Variants in XKR6 observed in about 807,000 individuals in gnomAD.
The protein encoded by XKR6 is XK related 6.
In XKR6, 22 loss-of-function variants were observed where a neutral mutation model predicts 56.7. The observed-to-expected ratio is 0.39, with a 90% CI of 0.28 to 0.55. The LOEUF (loss-of-function observed/expected upper bound fraction) is 0.55, where lower values mean the gene tolerates loss of function less well. XKR6 is among the 20% of genes least tolerant of loss of function. The pLI is 0.66. For synonymous variants in XKR6, 524 were observed against 387.8 expected (o/e 1.35, Z -4.13); for missense variants, 852 against 889.0 (o/e 0.96, Z 0.53).
At chr8:10,989,306 C>G (rs1797934892) in intron 1 of XKR6, among the ~76,000 whole-genome samples, 1 of 152,176 alleles carries the variant, frequency 6.6e-6, no homozygotes, top group African/African-American at 2.4e-5. Flanking sequence ...CTTATAATTC[C>G]TTTCGTTGAA....
intron 1 of XKR6, among the ~76,000 whole-genome samples, chr8:10,929,323 T>C (rs1275088404): frequency 6.6e-6 from 1 of 152,238 alleles, no homozygotes; most frequent in Non-Finnish European, 1.5e-5. Flanking sequence ...TAATTATTCA[T>C]TTTACAGGTG....
chr8:11,201,551 G>A lies in XKR6; in HGVS notation c.-212C>T, dbSNP rs1458626482. Reference sequence around the variant, plus strand: ...TTCCGGGCGAGCCCCCCAATCGCACGGCGCCCGCAGCTCCCCAGCCCTACC... The same window carrying A: ...TTCCGGGCGAGCCCCCCAATCGCACAGCGCCCGCAGCTCCCCAGCCCTACC... On this transcript the variant is annotated 5_prime_UTR_variant, in exon 1 of 3. Transcript: ENST00000416569. Among the ~76,000 whole-genome samples the A allele has an allele frequency of 6.6e-6, 1 of 152,064 alleles. No homozygotes were observed. The highest frequency in any genetic ancestry group is 1.5e-5 in the Non-Finnish European group (1 of 67,988).
intron 2 of XKR6, among the ~76,000 whole-genome samples, chr8:10,901,218 G>A (rs1800028379): frequency 6.6e-6 from 1 of 151,872 alleles, no homozygotes; most frequent in African/African-American, 2.4e-5. Flanking sequence ...ACCATGCCTG[G>A]GTAATTTTTG....
chr8:11,152,304 A>G (rs759772450), intron 1 of XKR6, among the ~76,000 whole-genome samples: 3 of 152,230 alleles, frequency 2.0e-5, no homozygotes, highest in Non-Finnish European at 2.9e-5. Flanking sequence ...TGAAACATTC[A>G]GAAGACCCTC....
chr8:11,010,517 C>A (rs1471059285), intron 1 of XKR6, among the ~76,000 whole-genome samples: 1 of 152,130 alleles, frequency 6.6e-6, no homozygotes, highest in African/African-American at 2.4e-5. Flanking sequence ...GCAACACAGG[C>A]ACAATGCCCT....
In XKR6 at chr8:10,967,706, C is replaced by T. The variant is rs145491776; in HGVS notation, c.765-42876G>A. On this transcript the variant is annotated intron_variant, in intron 1 of 2. Transcript: ENST00000416569. ...GTCTGCAGCAACTTGCCGGTGCCAG[C>T]CTCTGCATTCAGCAGCAAGAAAGCA... is the stretch of plus-strand genomic sequence containing the variant. 7.5e-4 allele frequency among the ~76,000 whole-genome samples: 115 copies of T among 152,328 alleles called. 1 individual carries two copies. Among genetic ancestry groups the T allele is most frequent in the African/African-American group, 2.5e-3 (104 of 41,578 alleles).
intron 1 of XKR6, among the ~76,000 whole-genome samples, chr8:11,072,360 C>T (rs1800154561): frequency 6.6e-6 from 1 of 151,302 alleles, no homozygotes; most frequent in African/African-American, 2.4e-5. Context: ...GCTGGAGAGA[C>T]AGCAGGGCTC....
intron 1 of XKR6, among the ~76,000 whole-genome samples, chr8:11,111,170 A>G (rs1247730231): frequency 1.3e-5 from 2 of 151,840 alleles, no homozygotes; most frequent in African/African-American, 2.4e-5. Context: ...CCATTTTTTA[A>G]AGGATAAATA....
At chr8:11,058,653 C>G (rs1005667761) in intron 1 of XKR6, among the ~76,000 whole-genome samples, 1 of 152,112 alleles carries the variant, frequency 6.6e-6, no homozygotes, top group Admixed American at 6.5e-5. Context: ...CAGATGGACA[C>G]CGGGAGGGGA....
intron 1 of XKR6, among the ~76,000 whole-genome samples, chr8:11,146,623 C>CAA (rs544514802): frequency 1.8e-4 from 11 of 61,236 alleles, no homozygotes; most frequent in African/African-American, 2.4e-4. Context: ...GAGACCCTGT[C>CAA]AAAAAAAAAA....
At chr8:11,078,342 G>C in intron 1 of XKR6, among the ~76,000 whole-genome samples, 1 of 152,150 alleles carries the variant, frequency 6.6e-6, no homozygotes, top group Non-Finnish European at 1.5e-5. Context: ...GAGAGCTCCT[G>C]CCACTTGCCC....
chr8:11,129,061 T>C (rs979907364), intron 1 of XKR6: 1 of 431,260 alleles, frequency 2.3e-6, no homozygotes. Context: ...TTCAATTCAA[T>C]GACTCAGATG....
chr8:10,911,725 GGT>G (rs934110870), intron 2 of XKR6, among the ~76,000 whole-genome samples: 1 of 146,424 alleles, frequency 6.8e-6, no homozygotes, highest in Non-Finnish European at 1.5e-5. Flanking sequence ...GAGAGTGAGG[GGT>G]GTGTGTATAT....
intron 1 of XKR6, among the ~76,000 whole-genome samples, chr8:11,044,039 CCAGA>C (rs1378922761): frequency 6.6e-6 from 1 of 152,220 alleles, no homozygotes; most frequent in Non-Finnish European, 1.5e-5. Context: ...TGCAGCTCCA[CCAGA>C]CAGTGACTAA....
At chr8:10,962,657 ACTCTGTTGTCC>A (rs1802099047) in intron 1 of XKR6, among the ~76,000 whole-genome samples, 1 of 150,992 alleles carries the variant, frequency 6.6e-6, no homozygotes, top group South Asian at 2.1e-4. Flanking sequence ...ACAGAGTCTC[ACTCTGTTGTCC>A]AGCCTGGAGT....
chr8:10,977,681 G>C (rs187941870), intron 1 of XKR6, among the ~76,000 whole-genome samples: 3 of 149,872 alleles, frequency 2.0e-5, no homozygotes, highest in Non-Finnish European at 4.4e-5. Context: ...GGTCTATCAC[G>C]GAGGTGGGTT....
chr8:11,075,185 G>C (rs2898256), intron 1 of XKR6, among the ~76,000 whole-genome samples: 83,287 of 152,074 alleles, frequency 0.55, 25,115 homozygotes, highest in African/African-American at 0.77. Flanking sequence ...GGAAAAAAAG[G>C]GTGGTTGTCT....
At chr8:10,930,324 G>C (rs532774461) in intron 1 of XKR6, among the ~76,000 whole-genome samples, 8 of 152,198 alleles carry the variant, frequency 5.3e-5, no homozygotes, top group Non-Finnish European at 1.0e-4. Flanking sequence ...TGTGGGGTCT[G>C]AGGCTTAGAG....
intron 1 of XKR6, among the ~76,000 whole-genome samples, chr8:11,092,405 C>T (rs1563130374): frequency 1.3e-5 from 2 of 152,168 alleles, no homozygotes; most frequent in Admixed American, 6.5e-5. Flanking sequence ...CTGGTTGCAA[C>T]CCATTATATG....
Sources: gnomAD v4.1 joint callset for allele counts (sites outside exome capture counted in the v4.1 genomes callset) on GRCh38, gnomAD v4.1.1 for gene constraint, MANE v1.5 for transcripts, NCBI Gene and HGNC (gene_info 2026-07-23, HGNC 2026-07-21) for gene names.